WDR33: variants seen among roughly 807,000 people sequenced by gnomAD.
WDR33 encodes pre-mRNA 3' end processing protein WDR33.
Under a neutral mutation model 164.9 loss-of-function variants are expected in WDR33, and 47 were observed. The observed-to-expected ratio is 0.29, with a 90% confidence interval of 0.23 to 0.36. The LOEUF is 0.36. Among genes scored for constraint, WDR33 ranks in the 10% least tolerant of loss-of-function variants. WDR33 has a pLI of 1.00. For synonymous variants in WDR33, 505 were observed against 589.0 expected, an observed-to-expected ratio of 0.86 and a Z score of 2.06; for missense variants, 1,137 against 1,754.1, an observed-to-expected ratio of 0.65 and a Z score of 6.28.
At chr2:127,727,316 G>C (rs1484562188) in intron 7 of WDR33, among the ~76,000 whole-genome samples, 2 of 152,192 alleles carry the variant, frequency 1.3e-5, no homozygotes, top group African/African-American at 2.4e-5. Flanking sequence ...CACTCTGCTT[G>C]ATTCGCACAT....
chr2:127,714,758 A>T lies in WDR33; in HGVS notation c.2870-737T>A, dbSNP rs1182845357. Among the ~76,000 whole-genome samples the T allele has an allele frequency of 6.6e-6, 1 of 152,242 alleles. No homozygotes were observed. On this transcript the variant is annotated intron_variant, in intron 17 of 21. Transcript: ENST00000322313. The surrounding 1 kb of genome is among the most constrained non-coding windows in gnomAD (Gnocchi z 4.3). ...GAATAAAAATGGAAAGATGCCAGTT[A>T]AATGTGTGATGGTTAACTTAGTTCA...
Position 127,770,442 on chromosome 2 carries a change from C to A in WDR33, c.204+336G>T, listed in dbSNP as rs1172330276. On this transcript the variant is annotated intron_variant, in intron 2 of 21. Transcript: ENST00000322313. The surrounding 1 kb of genome is among the most constrained non-coding windows in gnomAD (Gnocchi z 4.9). ...CAGTGGCTCATGCCTGTAATCCCAG[C>A]ACTTTGGGAGACTGAGGCAGGTGGA... Among the ~76,000 whole-genome samples the A allele has an allele frequency of 6.6e-6, 1 of 152,138 alleles. No individual in the cohort carries two copies. The highest frequency in any genetic ancestry group is 1.5e-5 in the Non-Finnish European group (1 of 68,028).
chr2:127,759,892 T>A (rs1361974827), intron 7 of WDR33, among the ~76,000 whole-genome samples: 3 of 151,946 alleles, frequency 2.0e-5, no homozygotes, highest in Admixed American at 6.6e-5. Flanking sequence ...TTAAAAAAAA[T>A]TAAAAATTAA....
chr2:127,787,667 AC>A (rs1363865953), intron 1 of WDR33, among the ~76,000 whole-genome samples: 1 of 73,342 alleles, frequency 1.4e-5, no homozygotes, highest in Non-Finnish European at 2.7e-5. Flanking sequence ...CGGAGGGCTG[AC>A]CCCCCCACCT....
At chr2:127,733,948 C>T (rs1000830395) in intron 7 of WDR33, among the ~76,000 whole-genome samples, 5 of 152,084 alleles carry the variant, frequency 3.3e-5, no homozygotes, top group African/African-American at 4.8e-5. Flanking sequence ...GGAGGGGGCC[C>T]GGATTTTCTT....
chr2:127,793,080 C>A (rs1205957464), intron 1 of WDR33, among the ~76,000 whole-genome samples: 4 of 152,200 alleles, frequency 2.6e-5, no homozygotes, highest in South Asian at 4.1e-4. Context: ...TTCACTATCC[C>A]CCAAGATAAA....
chr2:127,740,010 C>A (rs1484046406), intron 7 of WDR33, among the ~76,000 whole-genome samples: 3 of 152,144 alleles, frequency 2.0e-5, no homozygotes, highest in Non-Finnish European at 2.9e-5. Context: ...TGAGAGACCA[C>A]CATTACATTC....
At chr2:127,751,456 CAGG>C (rs1378699746) in intron 7 of WDR33, among the ~76,000 whole-genome samples, 2 of 146,928 alleles carry the variant, frequency 1.4e-5, no homozygotes, top group African/African-American at 5.0e-5. Flanking sequence ...ACAGGTTGGG[CAGG>C]AGGATGGCTT....
intron 7 of WDR33, among the ~76,000 whole-genome samples, chr2:127,744,911 C>T (rs745958903): frequency 2.6e-5 from 4 of 152,172 alleles, no homozygotes; most frequent in South Asian, 2.1e-4. Context: ...ATATACCTTT[C>T]ACCATGCATG....
Position 127,719,864 on chromosome 2 carries a change from C to T in WDR33, c.2161G>A (p.Gly721Ser), listed in dbSNP as rs778614478. Reference protein sequence around the residue: ...PGPQGHIGPQGPPGPQGHLGP... With the variant: ...PGPQGHIGPQSPPGPQGHLGP... ...AAGTGACCCTGAGGGCCAGGCGGGC[C>T]TTGGGGGCCTATGTGACCCTGTGGG... The change falls in exon 16 of 22, where the codon GGC (glycine) becomes AGC (serine). Residue 721 changes from glycine (G) to serine (S), a missense_variant. Physicochemically the swap from Gly to Ser is moderately conservative, Grantham distance 56. Transcript: ENST00000322313. The surrounding 1 kb of genome is among the most constrained non-coding windows in gnomAD (Gnocchi z 6.5). The T allele has an allele frequency of 1.9e-6, 3 of 1,613,742 alleles. No homozygotes were observed. The highest frequency in any genetic ancestry group is 2.5e-6 in the Non-Finnish European group (3 of 1,179,986).
At chr2:127,751,431 T>TAA (rs1172252462) in intron 7 of WDR33, among the ~76,000 whole-genome samples, 6 of 133,322 alleles carry the variant, frequency 4.5e-5, no homozygotes, top group Admixed American at 7.6e-5. Context: ...ATGCTCTATT[T>TAA]AAAAAAAAAA....
intron 1 of WDR33, among the ~76,000 whole-genome samples, chr2:127,795,331 C>T (rs562009565): frequency 3.3e-5 from 5 of 151,882 alleles, no homozygotes; most frequent in African/African-American, 9.7e-5. Context: ...GAACTCCTGA[C>T]CTCGTGATCT....
chr2:127,810,729 T>G (rs577963262), intron 1 of WDR33: 1 of 152,492 alleles, frequency 6.6e-6, no homozygotes, highest in Non-Finnish European at 1.5e-5. Flanking sequence ...ACTTCACGTC[T>G]TAACTGTGGC....
chr2:127,763,318 T>C lies in WDR33; in HGVS notation c.627-159A>G, dbSNP rs1558942898. 1.2e-5 allele frequency: 18 copies of C among 1,442,522 alleles called. No individual in the cohort carries two copies. The East Asian group carries it at 2.8e-4, about 22-fold the overall frequency. The allele number at this position is 1,442,522 out of a possible 1,614,324, so 89.4% of individuals were successfully genotyped here. ...TTAAAGTGAATGTCGTCAGCTAACA[T>C]AGGCATCTCATCAAAAGAAGACTTC... On this transcript the variant is annotated intron_variant, in intron 6 of 21. Transcript: ENST00000322313. The surrounding 1 kb of genome is among the most constrained non-coding windows in gnomAD (Gnocchi z 4.5).
Position 127,764,485 on chromosome 2 carries a change from T to C in WDR33, c.626+343A>G. Reference sequence around the variant, plus strand: ...TTCAGTTGCATAATTAAAGACTGAATTCTTTATTTGGAATGAAATATTCTT... The same window carrying C: ...TTCAGTTGCATAATTAAAGACTGAACTCTTTATTTGGAATGAAATATTCTT... On this transcript the variant is annotated intron_variant, in intron 6 of 21. Transcript: ENST00000322313. This position sits in a 1 kb window ranked among gnomAD's most constrained non-coding sequence, Gnocchi z 6.2. The C allele has an allele frequency of 6.8e-7, 1 of 1,480,538 alleles. No homozygotes were observed. The highest frequency in any genetic ancestry group is 8.9e-7 in the Non-Finnish European group (1 of 1,118,706). 91.7% of individuals were successfully genotyped at this position (1,480,538 alleles called of 1,614,324 possible). A position where few individuals can be genotyped will look rare whatever the true frequency, so the allele number is the denominator to read the frequency against.
Position 127,713,404 on chromosome 2 carries a change from A to G in WDR33, c.3308+179T>C, listed in dbSNP as rs889773776. ...ATTTCTAGACAGCAAAGATTAAAAC[A>G]AGACTAAGGTTAAAAAGCACACTTT... On this transcript the variant is annotated intron_variant, in intron 18 of 21. Transcript: ENST00000322313. The surrounding 1 kb of genome is among the most constrained non-coding windows in gnomAD (Gnocchi z 6.2). Among the ~76,000 whole-genome samples the G allele has an allele frequency of 1.3e-5, 2 of 152,386 alleles. No homozygotes were observed. Among genetic ancestry groups the G allele is most frequent in the African/African-American group, 4.8e-5 (2 of 41,588 alleles).
rs1028254602 is a variant in WDR33 at position 127,712,943 on chromosome 2, G to C, written c.3308+640C>G. ...CTAATTAAAAAATTTTTTTTGTAGA[G>C]ATGGAGTTACACTATGTCGTTCAGG... is the stretch of plus-strand genomic sequence containing the variant. On this transcript the variant is annotated intron_variant, in intron 18 of 21. Transcript: ENST00000322313. This position sits in a 1 kb window ranked among gnomAD's most constrained non-coding sequence, Gnocchi z 4.0. Among the ~76,000 whole-genome samples the C allele has an allele frequency of 5.3e-5, 8 of 152,144 alleles. No individual in the cohort carries two copies. Among genetic ancestry groups the C allele is most frequent in the African/African-American group, 1.4e-4 (6 of 41,420 alleles).
At chr2:127,750,681 T>A (rs866552871) in intron 7 of WDR33, among the ~76,000 whole-genome samples, 588 of 31,146 alleles carry the variant, frequency 0.019, 3 homozygotes, top group Middle Eastern at 0.025. Flanking sequence ...AAAAAAAATA[T>A]ATATATATAT....
In WDR33 at chr2:127,702,018, C is replaced by G; in HGVS notation, c.*4305G>C. The G allele has an allele frequency of 8.5e-6, 11 of 1,298,358 alleles. No homozygotes were observed. The highest frequency in any genetic ancestry group is 1.1e-5 in the Non-Finnish European group (11 of 1,026,134). 80.4% of individuals were successfully genotyped at this position (1,298,358 alleles called of 1,614,324 possible). A position where few individuals can be genotyped will look rare whatever the true frequency, so the allele number is the denominator to read the frequency against. Reference sequence around the variant, plus strand: ...CACGCTGTTCGCCGCGCTGGGCCTTCGCAGCACGCTGCTCACGGTGCTGGG... The same window carrying G: ...CACGCTGTTCGCCGCGCTGGGCCTTGGCAGCACGCTGCTCACGGTGCTGGG... On this transcript the variant is annotated 3_prime_UTR_variant, in exon 22 of 22. Transcript: ENST00000322313.
Sources: gnomAD v4.1 joint callset for allele counts (sites outside exome capture counted in the v4.1 genomes callset) on GRCh38, gnomAD v4.1.1 for gene constraint, Gnocchi (gnomAD v3.1) non-coding constraint, MANE v1.5 for transcripts, NCBI Gene and HGNC (gene_info 2026-07-23, HGNC 2026-07-21) for gene names.